C3orf22: variants seen among roughly 807,000 people sequenced by gnomAD.
C3orf22 encodes chromosome 3 open reading frame 22, also known as uncharacterized protein C3orf22.
Under a neutral mutation model 10.8 loss-of-function variants are expected in C3orf22, and 7 were observed. The ratio of observed to expected loss-of-function variants is 0.65; its 90% CI spans 0.37 to 1.22. C3orf22 has a LOEUF of 1.22. Ranked by LOEUF, C3orf22 falls within the 50% of genes most tolerant of loss-of-function variation. The pLI is 0.02. For synonymous variants in C3orf22, 79 were observed against 78.9 expected, an observed-to-expected ratio of 1.00 and a Z score of 0.00; for missense variants, 173 against 177.0, an observed-to-expected ratio of 0.98 and a Z score of 0.13.
At chr3:126,551,194 C>T (rs2107580465) in intron 3 of C3orf22, among the ~76,000 whole-genome samples, 1 of 152,204 alleles carries the variant, frequency 6.6e-6, no homozygotes, top group Middle Eastern at 3.4e-3. Flanking sequence ...TCATGGCTGG[C>T]CAGAGTTGAC....
chr3:126,552,021 G>C lies in C3orf22; in HGVS notation c.191C>G (p.Pro64Arg). 6.2e-7 allele frequency: 1 copy of C among 1,613,188 alleles called. No homozygotes were observed. The highest frequency in any genetic ancestry group is 1.1e-5 in the South Asian group (1 of 90,966). ...CCCTCGGACTGGGATGGACCTCGTT[G>C]GCACCAACCTCTTCTGCAGGGGCAG... ...VQLPLQKRLV[P>R]TRSIPVRGLG... Residue 64 changes from proline to arginine, a missense_variant, in exon 3 of 4, where the codon CCA (proline) becomes CGA (arginine). Physicochemically the swap from Pro to Arg is moderately radical, Grantham distance 103 (BLOSUM62 -2). Coordinates refer to ENST00000318225, the MANE Select transcript of C3orf22 (RefSeq NM_152533.3).
At chr3:126,536,283 G>C (rs764723746) in intron 4 of C3orf22, 4 of 1,613,786 alleles carry the variant, frequency 2.5e-6, no homozygotes, top group Non-Finnish European at 3.4e-6. Flanking sequence ...TTTGGAAACA[G>C]AGCCCTGGGC....
intron 1 of C3orf22, among the ~76,000 whole-genome samples, chr3:126,554,269 T>G (rs1937272832): frequency 6.7e-6 from 1 of 149,224 alleles, no homozygotes; most frequent in Non-Finnish European, 1.5e-5. Context: ...GTTGTTTTTT[T>G]TTTTTTTTTT....
chr3:126,557,761 C>T (rs907313020), intron 1 of C3orf22, among the ~76,000 whole-genome samples: 5 of 152,236 alleles, frequency 3.3e-5, no homozygotes, highest in African/African-American at 4.8e-5. Flanking sequence ...GCCCTGCTCA[C>T]GACCTGTCCC....
chr3:126,540,178 C>T (rs796515220), intron 4 of C3orf22, among the ~76,000 whole-genome samples: 82 of 152,270 alleles, frequency 5.4e-4, no homozygotes, highest in African/African-American at 1.9e-3. Context: ...CCAAAGGCCG[C>T]TTTGGCCTCC....
intron 4 of C3orf22, among the ~76,000 whole-genome samples, chr3:126,538,603 AT>A (rs1936853351): frequency 6.6e-6 from 1 of 152,372 alleles, no homozygotes; most frequent in Non-Finnish European, 1.5e-5. Flanking sequence ...GATGGCCAAC[AT>A]TCCCTGCCAC....
intron 4 of C3orf22, among the ~76,000 whole-genome samples, chr3:126,536,117 C>T (rs1936784804): frequency 6.6e-6 from 1 of 152,124 alleles, no homozygotes; most frequent in Non-Finnish European, 1.5e-5. Flanking sequence ...CCTGCCATCC[C>T]CCACTCCACC....
At chr3:126,551,254 CT>C (rs67171594) in intron 3 of C3orf22, among the ~76,000 whole-genome samples, 29,763 of 151,946 alleles carry the variant, frequency 0.2, 3,081 homozygotes, top group African/African-American at 0.22. Context: ...AGACCCCCCC[CT>C]GCCCCTGACA....
At chr3:126,530,990 G>C (rs1427860232) in intron 4 of C3orf22, among the ~76,000 whole-genome samples, 2 of 152,278 alleles carry the variant, frequency 1.3e-5, no homozygotes, top group Admixed American at 6.5e-5. Flanking sequence ...GTTACACGCA[G>C]CAGGGTTCTG....
At chr3:126,531,067 G>A (rs919860029) in intron 4 of C3orf22, among the ~76,000 whole-genome samples, 3 of 152,266 alleles carry the variant, frequency 2.0e-5, no homozygotes, top group East Asian at 1.9e-4. Context: ...TTCCTTCCAC[G>A]AACCTCTGTT....
At chr3:126,551,763 CGGTGGCCTGGGCCCTGCCCA>C (rs1344236732) in intron 3 of C3orf22, among the ~76,000 whole-genome samples, 1 of 152,242 alleles carries the variant, frequency 6.6e-6, no homozygotes, top group Non-Finnish European at 1.5e-5. Flanking sequence ...GGCCTAACCC[CGGTGGCCTGGGCCCTGCCCA>C]GGGAAGGTTC....
chr3:126,530,920 T>C (rs1007615265), intron 4 of C3orf22, among the ~76,000 whole-genome samples: 4 of 152,206 alleles, frequency 2.6e-5, no homozygotes, highest in Non-Finnish European at 5.9e-5. Flanking sequence ...GGATGTGGCC[T>C]GGGCGCAGAG....
At chr3:126,542,052 A>G in intron 4 of C3orf22, 1 of 1,577,982 alleles carries the variant, frequency 6.3e-7, no homozygotes, top group African/African-American at 1.4e-5. Context: ...CTGCGCGCCT[A>G]CTTGGCCTTC....
At chr3:126,532,733 C>A (rs1936683814) in intron 4 of C3orf22, among the ~76,000 whole-genome samples, 1 of 152,114 alleles carries the variant, frequency 6.6e-6, no homozygotes, top group Admixed American at 6.5e-5. Flanking sequence ...TTTTGAGATT[C>A]TTTTGGATAT....
rs868626362 is a variant in C3orf22, at chr3:126,529,144, G to A, written c.*206C>T. 64 of 375,158 alleles carry A rather than the reference G, an allele frequency of 1.7e-4. 1 individual carries two copies. The highest frequency in any genetic ancestry group is 5.2e-4 in the Admixed American group (17 of 32,850). 23.2% of individuals were successfully genotyped at this position (375,158 alleles called of 1,614,324 possible). ...GCTGTGCCCTCACCCTGCACAGGGC[G>A]CGAGCCCTGCTTTGGCTGAGGTGGG... On this transcript the variant is annotated 3_prime_UTR_variant and NMD_transcript_variant, in exon 5 of 6. Transcript: ENST00000505070.
In C3orf22 at chr3:126,552,026, C is replaced by A. The variant is rs757529745; in HGVS notation, c.186G>T (p.Leu62Phe). Residue 62 changes from leucine to phenylalanine, a missense_variant, in exon 3 of 4, where the codon TTG (leucine) becomes TTT (phenylalanine). By Grantham distance (22) the Leu-to-Phe change is conservative (BLOSUM62 0). Transcript: ENST00000318225. The stretch of plus-strand genomic sequence containing the variant: ...GGACTGGGATGGACCTCGTTGGCAC[C>A]AACCTCTTCTGCAGGGGCAGCTGCA... ...NTVQLPLQKRLVPTRSIPVRG... is the reference protein window; with the variant it reads ...NTVQLPLQKRFVPTRSIPVRG... 1 of 1,613,494 alleles carries A rather than the reference C, an allele frequency of 6.2e-7. No homozygotes were observed. Among genetic ancestry groups the A allele is most frequent in the Non-Finnish European group, 8.5e-7 (1 of 1,179,682 alleles).
At chr3:126,529,024 CTG>C (rs1440871942) in intron 5 of C3orf22, 2 of 350,760 alleles carry the variant, frequency 5.7e-6, no homozygotes. Flanking sequence ...TCTTGCAACA[CTG>C]TAACCTGCTG....
intron 4 of C3orf22, chr3:126,541,950 G>A (rs1936967447): frequency 1.9e-6 from 3 of 1,586,788 alleles, no homozygotes; most frequent in African/African-American, 2.8e-5. Flanking sequence ...CAAGCCCGCG[G>A]CGACCCGCGC....
At chr3:126,529,213 GT>G in exon 5 of C3orf22, 1 of 848,964 alleles carries the variant, frequency 1.2e-6, no homozygotes, top group South Asian at 1.4e-5. Context: ...GGTTTCTAGT[GT>G]GGTGTTTCAC....
Sources: gnomAD v4.1 joint callset for allele counts (sites outside exome capture counted in the v4.1 genomes callset) on GRCh38, gnomAD v4.1.1 for gene constraint, MANE v1.5 for transcripts, NCBI Gene and HGNC (gene_info 2026-07-23, HGNC 2026-07-21) for gene names.